KIRREL3: variants seen among roughly 807,000 people sequenced by gnomAD.
The protein encoded by KIRREL3 is kin of IRRE-like protein 3.
KIRREL3 carries 36 observed loss-of-function variants against 89.7 expected under a neutral mutation model. That is an observed-to-expected ratio of 0.40 (90% CI 0.31 to 0.53). The LOEUF (loss-of-function observed/expected upper bound fraction) is 0.53. Ranked by LOEUF, KIRREL3 falls within the 20% of genes least tolerant of loss-of-function variation. The probability of loss-of-function intolerance (pLI) is 0.49; values close to 1 mark genes in which losing one functional copy is unlikely to be tolerated. For missense variants in KIRREL3, 864 were observed against 1,056.6 expected (o/e 0.82, Z 2.53); for synonymous variants, 445 against 441.4 (o/e 1.01, Z -0.10).
At chr11:126,602,432 G>A (rs943577601) in intron 1 of KIRREL3, among the ~76,000 whole-genome samples, 2 of 152,292 alleles carry the variant, frequency 1.3e-5, no homozygotes, top group Non-Finnish European at 2.9e-5. Flanking sequence ...GTGCCTCGTC[G>A]TCGTTTATGC....
chr11:126,578,504 C>T lies in KIRREL3; in HGVS notation c.56-15592G>A, dbSNP rs148446681. Among the ~76,000 whole-genome samples, 153 of 152,172 alleles carry T rather than the reference C, an allele frequency of 1.0e-3. No homozygotes were observed. Among genetic ancestry groups the T allele is most frequent in the Non-Finnish European group, 1.9e-3 (128 of 68,010 alleles). On this transcript the variant is annotated intron_variant, in intron 1 of 16. Coordinates refer to ENST00000525144, the MANE Select transcript of KIRREL3 (RefSeq NM_032531.4). The surrounding 1 kb of genome is among the most constrained non-coding windows in gnomAD (Gnocchi z 4.9). ...TGTGGATTGTGCACATAGGTGGGGA[C>T]GGGGTGAGAACTTGGGGTGTGGCGT... is the stretch of plus-strand genomic sequence containing the variant.
chr11:126,494,496 T>C (rs1452495816), intron 4 of KIRREL3, among the ~76,000 whole-genome samples: 1 of 152,240 alleles, frequency 6.6e-6, no homozygotes, highest in Non-Finnish European at 1.5e-5. Context: ...CCTATCTTTG[T>C]CTAATATTTT....
At chr11:126,875,972 G>T (rs1175602720) in intron 1 of KIRREL3, among the ~76,000 whole-genome samples, 2 of 152,186 alleles carry the variant, frequency 1.3e-5, no homozygotes, top group Non-Finnish European at 2.9e-5. Flanking sequence ...AAGGCTGGGA[G>T]GTGAAACCGA....
At chr11:126,887,271 G>A (rs1210781037) in intron 1 of KIRREL3, among the ~76,000 whole-genome samples, 4 of 152,174 alleles carry the variant, frequency 2.6e-5, no homozygotes, top group Non-Finnish European at 4.4e-5. Context: ...AATGCAGCCC[G>A]TGAGTATTAG....
intron 4 of KIRREL3, among the ~76,000 whole-genome samples, chr11:126,488,627 C>T (rs1040681151): frequency 3.9e-5 from 6 of 152,330 alleles, no homozygotes; most frequent in African/African-American, 7.2e-5. Flanking sequence ...GAAGGAGCCG[C>T]GGCTTCCAGT....
At chr11:126,775,165 C>T (rs1415304087) in intron 1 of KIRREL3, among the ~76,000 whole-genome samples, 1 of 152,174 alleles carries the variant, frequency 6.6e-6, no homozygotes, top group African/African-American at 2.4e-5. Context: ...TGCCTTTCAC[C>T]TCCCAGTTTA....
intron 1 of KIRREL3, among the ~76,000 whole-genome samples, chr11:126,889,973 G>A (rs959339947): frequency 1.3e-5 from 2 of 152,178 alleles, no homozygotes; most frequent in Admixed American, 6.5e-5. Flanking sequence ...GCCAATCATA[G>A]CCTCTAATTG....
At chr11:126,456,803 C>T (rs949724481) in intron 6 of KIRREL3, among the ~76,000 whole-genome samples, 1 of 152,186 alleles carries the variant, frequency 6.6e-6, no homozygotes, top group African/African-American at 2.4e-5. Flanking sequence ...GAGAGGGGCG[C>T]GTGGACACTC....
At chr11:126,961,993 C>T (rs1339079984) in intron 1 of KIRREL3, among the ~76,000 whole-genome samples, 1 of 152,214 alleles carries the variant, frequency 6.6e-6, no homozygotes, top group Non-Finnish European at 1.5e-5. Flanking sequence ...TTGAGAACTA[C>T]TGCTCAGAAA....
At chr11:126,713,469 C>G (rs1947840009) in intron 1 of KIRREL3, among the ~76,000 whole-genome samples, 1 of 152,162 alleles carries the variant, frequency 6.6e-6, no homozygotes, top group Non-Finnish European at 1.5e-5. Context: ...CCCAGGATGC[C>G]TCAAGGTATG....
At chr11:126,749,102 G>T (rs376109284) in intron 1 of KIRREL3, among the ~76,000 whole-genome samples, 3 of 152,140 alleles carry the variant, frequency 2.0e-5, no homozygotes, top group Admixed American at 6.5e-5. Context: ...TCTGAGCCAT[G>T]AACTTTTTGC....
intron 1 of KIRREL3, among the ~76,000 whole-genome samples, chr11:126,721,680 T>C (rs892596688): frequency 2.0e-5 from 3 of 152,138 alleles, no homozygotes; most frequent in African/African-American, 7.2e-5. Flanking sequence ...AGGCTTCATT[T>C]TGGATTTGCA....
chr11:126,470,798 C>A (rs1372309032), intron 5 of KIRREL3, among the ~76,000 whole-genome samples: 1 of 152,132 alleles, frequency 6.6e-6, no homozygotes, highest in Non-Finnish European at 1.5e-5. Context: ...TGGTTCCAGG[C>A]CTGGCACTGC....
chr11:126,621,014 A>G (rs1322916703), intron 1 of KIRREL3, among the ~76,000 whole-genome samples: 2 of 152,232 alleles, frequency 1.3e-5, no homozygotes, highest in African/African-American at 4.8e-5. Flanking sequence ...AAAGGGCTTG[A>G]GTGTAAGCGA....
chr11:126,670,594 C>T (rs970852032), intron 1 of KIRREL3, among the ~76,000 whole-genome samples: 1 of 152,254 alleles, frequency 6.6e-6, no homozygotes, highest in South Asian at 2.1e-4. Flanking sequence ...GTCAATATAG[C>T]AAGATTGTAG....
rs994797285 is a variant in KIRREL3 at position 126,860,982 on chromosome 11, C to T, written c.55+139473G>A. On this transcript the variant is annotated intron_variant, in intron 1 of 16. Transcript: ENST00000525144. The surrounding 1 kb of genome is among the most constrained non-coding windows in gnomAD (Gnocchi z 4.6). ...AAACAAATTCTCCCTCCTTTGTGCC[C>T]TCCTGCTTTATGTGTGTAGCCTTTC... 2.0e-5 allele frequency among the ~76,000 whole-genome samples: 3 copies of T among 152,170 alleles called. No individual in the cohort carries two copies. The highest frequency in any genetic ancestry group is 7.2e-5 in the African/African-American group (3 of 41,434).
At position 126,455,313 on chromosome 11, in the gene KIRREL3, G is replaced by C. The variant is rs1356650406; in HGVS notation, c.848+1036C>G. 2.6e-5 allele frequency among the ~76,000 whole-genome samples: 4 copies of C among 152,216 alleles called. No homozygotes were observed. Among genetic ancestry groups the C allele is most frequent in the African/African-American group, 9.7e-5 (4 of 41,446 alleles). On this transcript the variant is annotated intron_variant, in intron 7 of 16. Transcript: ENST00000525144. This position sits in a 1 kb window ranked among gnomAD's most constrained non-coding sequence, Gnocchi z 6.4. ...TTAGTCTCCTAGAGTCTTGTGCAGT[G>C]ACAGTGCCCAGGCAGAAAGGCGCCC... is the stretch of plus-strand genomic sequence containing the variant.
At chr11:126,536,700 G>A (rs1937918496) in intron 2 of KIRREL3, among the ~76,000 whole-genome samples, 1 of 141,482 alleles carries the variant, frequency 7.1e-6, no homozygotes, top group African/African-American at 2.7e-5. Flanking sequence ...CTAAAGTGCA[G>A]TGGTGCGATC....
intron 1 of KIRREL3, among the ~76,000 whole-genome samples, chr11:126,596,732 C>T (rs758027470): frequency 3.3e-5 from 5 of 152,178 alleles, no homozygotes; most frequent in Non-Finnish European, 7.3e-5. Context: ...AGCTCACCTA[C>T]GCATCTTGAG....
Sources: allele counts gnomAD v4.1 joint callset (sites outside exome capture counted in the v4.1 genomes callset), GRCh38; gene constraint gnomAD v4.1.1; non-coding constraint Gnocchi (gnomAD v3.1); transcripts MANE v1.5; gene names NCBI Gene and HGNC (gene_info 2026-07-23, HGNC 2026-07-21).